Variants in MYH15 observed in about 807,000 individuals in gnomAD.
The protein encoded by MYH15 is myosin-15.
In MYH15, 227 loss-of-function variants were observed where a neutral mutation model predicts 240.5. The ratio of observed to expected loss-of-function variants is 0.94; its 90% CI spans 0.85 to 1.05. The LOEUF (loss-of-function observed/expected upper bound fraction) is 1.05, where lower values mean the gene tolerates loss of function less well. Among genes scored for constraint, MYH15 ranks in the 50% least tolerant of loss-of-function variants. The pLI is 0.00. For synonymous variants in MYH15, 785 were observed against 796.7 expected (o/e 0.99, Z 0.25); for missense variants, 2,217 against 2,247.5 (o/e 0.99, Z 0.27).
At chr3:108,465,481 A>G (rs2083106900) in intron 14 of MYH15, among the ~76,000 whole-genome samples, 2 of 152,202 alleles carry the variant, frequency 1.3e-5, no homozygotes, top group African/African-American at 4.8e-5. Flanking sequence ...TAAATGTAAT[A>G]GGAAGCCTTT....
chr3:108,420,351 A>G (rs974734832), intron 28 of MYH15, among the ~76,000 whole-genome samples: 9 of 152,194 alleles, frequency 5.9e-5, no homozygotes, highest in African/African-American at 2.2e-4. Context: ...GTTAGTTTGA[A>G]CTTAATAAAT....
chr3:108,493,198 A>G (rs1258377450), intron 7 of MYH15, 21 bp from the exon 8 acceptor site: 2 of 1,608,562 alleles, frequency 1.2e-6, no homozygotes, highest in East Asian at 2.2e-5. Flanking sequence ...CACAGAACAC[A>G]GTCAGACACA....
At chr3:108,515,947 C>T (rs554102303) in intron 1 of MYH15, among the ~76,000 whole-genome samples, 1 of 152,290 alleles carries the variant, frequency 6.6e-6, no homozygotes, top group South Asian at 2.1e-4. Context: ...TGAAAGGTCA[C>T]ACTTTCTAGT....
At chr3:108,398,473 A>G (rs1195250209) in intron 35 of MYH15, among the ~76,000 whole-genome samples, 164 bp downstream of exon 35, 1 of 150,508 alleles carries the variant, frequency 6.6e-6, no homozygotes, top group East Asian at 1.9e-4. Context: ...GCCTGAGGGA[A>G]ATAACACACT....
chr3:108,407,860 C>A (rs747981024), intron 32 of MYH15, among the ~76,000 whole-genome samples: 6 of 152,288 alleles, frequency 3.9e-5, no homozygotes, highest in Non-Finnish European at 8.8e-5. Context: ...TGCATATGAA[C>A]CACCAAGGGA....
chr3:108,461,562 G>C (rs1044090927), intron 16 of MYH15: 1 of 152,094 alleles, frequency 6.6e-6, no homozygotes, highest in African/African-American at 2.4e-5. Context: ...GTTAGAAGAC[G>C]ATTTCTCCTC....
chr3:108,496,958 G>C (rs893272805), intron 6 of MYH15, among the ~76,000 whole-genome samples: 1 of 151,470 alleles, frequency 6.6e-6, no homozygotes, highest in Admixed American at 6.6e-5. Flanking sequence ...TCAGGAGATC[G>C]AGACCATCCT....
At chr3:108,399,033 A>AT in intron 34 of MYH15, 42 bp downstream of exon 34, 1 of 1,584,150 alleles carries the variant, frequency 6.3e-7, no homozygotes, top group Non-Finnish European at 8.6e-7. Context: ...AAGCAGAAAC[A>AT]TTTTCCACCC....
intron 30 of MYH15, 103 bp from the exon 31 acceptor site, chr3:108,411,035 G>A: frequency 1.0e-6 from 1 of 968,520 alleles, no homozygotes; most frequent in Middle Eastern, 2.8e-4. Flanking sequence ...AAAGTAAGAT[G>A]GCGCCTCTGC....
At chr3:108,473,352 A>G (rs2083193798) in intron 12 of MYH15, among the ~76,000 whole-genome samples, 1 of 152,214 alleles carries the variant, frequency 6.6e-6, no homozygotes, top group African/African-American at 2.4e-5. Context: ...CATCTGTAAA[A>G]TAATAATAAT....
At chr3:108,426,021 G>C (rs1407789412) in intron 27 of MYH15, among the ~76,000 whole-genome samples, 1 of 152,066 alleles carries the variant, frequency 6.6e-6, no homozygotes, top group Non-Finnish European at 1.5e-5. Flanking sequence ...TGATAAACTA[G>C]GATATTTGGT....
chr3:108,541,935 A>G, the MYH15 span, among the ~76,000 whole-genome samples: 3 of 152,296 alleles, frequency 2.0e-5, no homozygotes, highest in South Asian at 6.2e-4. Context: ...ATATATAAAT[A>G]TAGGTATACA....
At chr3:108,389,147 C>A in intron 37 of MYH15, 73 bp from the exon 38 acceptor site, 1 of 1,332,454 alleles carries the variant, frequency 7.5e-7, no homozygotes, top group South Asian at 1.2e-5. Flanking sequence ...TTGGCACAAT[C>A]ATTTGAAAGA....
At chr3:108,460,617 T>A (rs1189676097) in intron 16 of MYH15, among the ~76,000 whole-genome samples, 1 of 152,064 alleles carries the variant, frequency 6.6e-6, no homozygotes, top group Non-Finnish European at 1.5e-5. Flanking sequence ...TGCAAAAAAA[T>A]TAAGCAAAAA....
intron 27 of MYH15, among the ~76,000 whole-genome samples, chr3:108,424,984 C>T (rs934730871): frequency 1.3e-5 from 2 of 152,112 alleles, no homozygotes; most frequent in African/African-American, 2.4e-5. Context: ...AGAGACTCTA[C>T]AAAGCACTGT....
At chr3:108,429,962 AC>A (rs2082764409) in intron 26 of MYH15, among the ~76,000 whole-genome samples, 1 of 152,202 alleles carries the variant, frequency 6.6e-6, no homozygotes, top group South Asian at 2.1e-4. Flanking sequence ...TCTTTAGAGA[AC>A]TTTTTGAGTC....
intron 35 of MYH15, among the ~76,000 whole-genome samples, chr3:108,396,158 C>G (rs1225101719): frequency 2.6e-5 from 4 of 152,194 alleles, no homozygotes; most frequent in Admixed American, 2.0e-4. Context: ...TGCTTTTTCT[C>G]TAGCTGATCC....
intron 25 of MYH15, among the ~76,000 whole-genome samples, chr3:108,436,794 C>T (rs2082842044): frequency 1.3e-5 from 2 of 152,142 alleles, no homozygotes; most frequent in Non-Finnish European, 2.9e-5. Context: ...ACCTCGGAAA[C>T]CTGACCCATC....
At position 108,501,829 on chromosome 3, in the gene MYH15, G is replaced by T. The variant is rs1392261883; in HGVS notation, c.222C>A (p.Ile74=). ...CAAACTCTGGAGGATTCATCTGCTG[G>T]ATTTTGTCCTCCTTTATGCTCAGAC... ...GESLSIKEDK[I]QQMNPPEFEM... Residue 74 remains isoleucine (I), a synonymous_variant, in exon 3 of 41, where the codon ATC becomes ATA. Coordinates refer to ENST00000693548, the MANE Select transcript of MYH15 (RefSeq NM_014981.3). The T allele has an allele frequency of 6.2e-7, 1 of 1,613,902 alleles. No individual in the cohort carries two copies. Among genetic ancestry groups the T allele is most frequent in the East Asian group, 2.2e-5 (1 of 44,892 alleles).
Sources: gnomAD v4.1 joint callset for allele counts (sites outside exome capture counted in the v4.1 genomes callset) on GRCh38, gnomAD v4.1.1 for gene constraint, MANE v1.5 for transcripts, NCBI Gene and HGNC (gene_info 2026-07-23, HGNC 2026-07-21) for gene names.